USP31: variants seen among roughly 807,000 people sequenced by gnomAD.
USP31 encodes the protein ubiquitin carboxyl-terminal hydrolase 31.
In USP31, 44 loss-of-function variants were observed where a neutral mutation model predicts 119.4. The observed-to-expected ratio is 0.37, with a 90% CI of 0.29 to 0.47. USP31 has a LOEUF of 0.47. USP31 is among the 20% of genes least tolerant of loss of function. The pLI is 0.99. For synonymous variants in USP31, 749 were observed against 705.6 expected (o/e 1.06, Z -0.97); for missense variants, 1,643 against 1,730.2 (o/e 0.95, Z 0.89).
rs1900097676 is a variant in USP31, at chr16:23,066,947, C to T, written c.*1099G>A. 6.6e-6 allele frequency: 1 copy of T among 152,230 alleles called. No individual in the cohort carries two copies. The highest frequency in any genetic ancestry group is 2.1e-4 in the South Asian group (1 of 4,830). The allele number at this position is 152,230 out of a possible 1,614,324, so 9.4% of individuals were successfully genotyped here. ...GACAGGATCTGAAGTGCATATGTAA[C>T]ACTTGATCACACAACGCTTCAACAT... On this transcript the variant is annotated 3_prime_UTR_variant, in exon 16 of 16. Coordinates refer to ENST00000219689, the MANE Select transcript of USP31 (RefSeq NM_020718.4).
At chr16:23,122,928 A>C (rs1002771438) in intron 1 of USP31, among the ~76,000 whole-genome samples, 1 of 152,238 alleles carries the variant, frequency 6.6e-6, no homozygotes, top group African/African-American at 2.4e-5. Context: ...GGATGAATTA[A>C]ATCGTAGGTT....
chr16:23,139,191 T>G (rs1272514970), intron 1 of USP31, among the ~76,000 whole-genome samples: 1 of 152,054 alleles, frequency 6.6e-6, no homozygotes, highest in Non-Finnish European at 1.5e-5. Flanking sequence ...CCACCTGAGG[T>G]CAGGAGTTCG....
Position 23,067,832 on chromosome 16 carries a change from T to G in USP31, c.*214A>C, listed in dbSNP as rs189980627. The G allele has an allele frequency of 3.5e-5, 19 of 537,342 alleles. No individual in the cohort carries two copies. 33.3% of individuals were successfully genotyped at this position (537,342 alleles called of 1,614,324 possible). On this transcript the variant is annotated 3_prime_UTR_variant, in exon 16 of 16. Coordinates refer to ENST00000219689, the MANE Select transcript of USP31 (RefSeq NM_020718.4). Reference sequence around the variant, plus strand: ...TAGCTTGGTGTCAATGTTTTGCCTATGGCTGTTATTTGGTTCAATGGCAGA... The same window carrying G: ...TAGCTTGGTGTCAATGTTTTGCCTAGGGCTGTTATTTGGTTCAATGGCAGA...
intron 7 of USP31, 141 bp downstream of exon 7, chr16:23,090,483 T>C: frequency 1.2e-6 from 1 of 869,298 alleles, no homozygotes; most frequent in Non-Finnish European, 1.6e-6. Flanking sequence ...TCAGGTCAAC[T>C]TGTACATGTA....
At position 23,078,148 on chromosome 16, in the gene USP31, T is replaced by C. The variant is rs201539850; in HGVS notation, c.2176+1798A>G. 4.6e-5 allele frequency among the ~76,000 whole-genome samples: 7 copies of C among 151,432 alleles called. No homozygotes were observed. The East Asian group carries it at 5.9e-4, about 13-fold the overall frequency. On this transcript the variant is annotated intron_variant, in intron 13 of 15. Transcript: ENST00000219689. ...CCAACATGGTGAAACCCCGTCTCTA[T>C]TAAAAATACAAAAATTAGCTGGGTG...
intron 1 of USP31, among the ~76,000 whole-genome samples, chr16:23,146,058 G>A (rs1358486209): frequency 2.0e-5 from 3 of 152,098 alleles, no homozygotes; most frequent in Non-Finnish European, 2.9e-5. Context: ...GGATAAAAAA[G>A]TGAACACAAA....
chr16:23,128,350 T>C (rs1902929393), intron 1 of USP31, among the ~76,000 whole-genome samples: 1 of 152,162 alleles, frequency 6.6e-6, no homozygotes, highest in South Asian at 2.1e-4. Flanking sequence ...TCAAAACGAC[T>C]TGAGAGTCGA....
chr16:23,101,992 A>C (rs1040961210), intron 6 of USP31, among the ~76,000 whole-genome samples: 3 of 150,348 alleles, frequency 2.0e-5, no homozygotes, highest in Non-Finnish European at 4.4e-5. Context: ...AAAAAAAAAA[A>C]AAACCTATGG....
At chr16:23,117,757 T>G (rs1043206466) in intron 1 of USP31, among the ~76,000 whole-genome samples, 1 of 143,334 alleles carries the variant, frequency 7.0e-6, no homozygotes, top group Non-Finnish European at 1.6e-5. Context: ...TTTTCTTTTT[T>G]TTTTTGTTGT....
chr16:23,082,829 C>CTTTTTTTTTTT lies in USP31; in HGVS notation c.1831-273_1831-272insAAAAAAAAAAA, dbSNP rs1388989158. On this transcript the variant is annotated intron_variant, in intron 11 of 15. Coordinates refer to ENST00000219689, the MANE Select transcript of USP31 (RefSeq NM_020718.4). ...GTTAAATATGTTACTTTCTTTCTCT[C>CTTTTTTTTTTT]TCTTTTTTTTTTTTTTTTTGAAACA... Among the ~76,000 whole-genome samples the CTTTTTTTTTTT allele has an allele frequency of 2.0e-3, 232 of 116,350 alleles. 1 individual carries two copies. The highest frequency in any genetic ancestry group is 4.5e-3 in the Middle Eastern group (1 of 220). 76.3% of individuals were successfully genotyped at this position (116,350 alleles called of 152,430 possible).
intron 4 of USP31, 49 bp downstream of exon 4, chr16:23,106,164 G>A (rs1459577342): frequency 3.1e-6 from 5 of 1,605,410 alleles, no homozygotes; most frequent in Non-Finnish European, 4.3e-6. Context: ...CAGAGGCAAA[G>A]GGATACCATA....
At chr16:23,123,069 G>T (rs1008304562) in intron 1 of USP31, among the ~76,000 whole-genome samples, 2 of 152,114 alleles carry the variant, frequency 1.3e-5, no homozygotes, top group African/African-American at 4.8e-5. Context: ...GTTAGAAGAC[G>T]ATCTAATGGA....
chr16:23,084,630 G>A (rs1457895899), intron 11 of USP31, among the ~76,000 whole-genome samples: 1 of 152,138 alleles, frequency 6.6e-6, no homozygotes, highest in African/African-American at 2.4e-5. Flanking sequence ...AAAGAACTAT[G>A]AAGGTTCATT....
chr16:23,115,513 T>C (rs1902459415), intron 1 of USP31, among the ~76,000 whole-genome samples: 1 of 151,778 alleles, frequency 6.6e-6, no homozygotes, highest in Non-Finnish European at 1.5e-5. Context: ...AAAAAGAAAA[T>C]AGAAAAGAAA....
At chr16:23,146,589 T>C (rs937395631) in intron 1 of USP31, among the ~76,000 whole-genome samples, 10 of 152,248 alleles carry the variant, frequency 6.6e-5, no homozygotes, top group Admixed American at 5.2e-4. Context: ...TTCCAGTCCC[T>C]ATCTCAGTCA....
chr16:23,123,215 T>G (rs1902731984), intron 1 of USP31, among the ~76,000 whole-genome samples: 2 of 152,188 alleles, frequency 1.3e-5, no homozygotes, highest in African/African-American at 2.4e-5. Flanking sequence ...ATATATATTT[T>G]TCTGTATGTA....
chr16:23,073,428 G>A (rs1468705353), intron 14 of USP31, among the ~76,000 whole-genome samples: 1 of 152,148 alleles, frequency 6.6e-6, no homozygotes, highest in African/African-American at 2.4e-5. Flanking sequence ...CGGGTAGTAT[G>A]CCACGCTGCT....
chr16:23,085,326 T>C (rs528571028), intron 10 of USP31, among the ~76,000 whole-genome samples: 178 of 152,284 alleles, frequency 1.2e-3, no homozygotes, highest in African/African-American at 4.1e-3. Flanking sequence ...TCAAAGTAAA[T>C]TGAACCTATA....
At position 23,069,043 on chromosome 16, in the gene USP31, C is replaced by T. The variant is rs773180388; in HGVS notation, c.3062G>A (p.Ser1021Asn). The change falls in exon 16 of 16, where the codon AGC becomes AAC. Residue 1021 changes from serine (S) to asparagine (N), a missense_variant. Ser to Asn is a conservative substitution (Grantham distance 46, BLOSUM62 1). Coordinates refer to ENST00000219689, the MANE Select transcript of USP31 (RefSeq NM_020718.4). ...GGAACTGGGGGATCTCTTAGTTGTG[C>T]TCTCTGGTTTCTTTGCGAGTGAGCC... ...HPGSLAKKPE[S>N]TTKRSPSSKG... is the part of the protein sequence containing the mutation. 3 of 1,613,184 alleles carry T rather than the reference C, an allele frequency of 1.9e-6. No individual in the cohort carries two copies. Among genetic ancestry groups the T allele is most frequent in the South Asian group, 1.1e-5 (1 of 91,068 alleles).
Sources: allele counts gnomAD v4.1 joint callset (sites outside exome capture counted in the v4.1 genomes callset), GRCh38; gene constraint gnomAD v4.1.1; transcripts MANE v1.5; gene names NCBI Gene and HGNC (gene_info 2026-07-23, HGNC 2026-07-21).